The following AUH variants were observed in gnomAD, a reference collection of about 807,000 sequenced individuals.
AUH encodes methylglutaconyl-CoA hydratase, mitochondrial.
In AUH, 29 loss-of-function variants were observed where a neutral mutation model predicts 42.3. The observed-to-expected ratio is 0.69, with a 90% CI of 0.51 to 0.93. AUH has a LOEUF of 0.93. AUH is among the 40% of genes least tolerant of loss of function. AUH has a pLI of 0.00. For synonymous variants in AUH, 174 were observed against 166.4 expected, an observed-to-expected ratio of 1.05 and a Z score of -0.35; for missense variants, 452 against 438.1, an observed-to-expected ratio of 1.03 and a Z score of -0.28.
At chr9:91,274,480 A>G (rs1386042887) in intron 6 of AUH, among the ~76,000 whole-genome samples, 1 of 152,218 alleles carries the variant, frequency 6.6e-6, no homozygotes, top group Non-Finnish European at 1.5e-5. Flanking sequence ...TACTTGAATT[A>G]AAAACTCAAA....
intron 4 of AUH, among the ~76,000 whole-genome samples, chr9:91,300,124 T>C (rs1264318272): frequency 1.3e-5 from 2 of 152,186 alleles, no homozygotes; most frequent in Non-Finnish European, 2.9e-5. Context: ...CCTCCTTGTA[T>C]TCCTCCCTTC....
At chr9:91,226,980 T>C (rs1185548360) in intron 6 of AUH, among the ~76,000 whole-genome samples, 5 of 150,394 alleles carry the variant, frequency 3.3e-5, no homozygotes, top group Admixed American at 1.3e-4. Context: ...TGAAGTCAGG[T>C]AGTGTGATGC....
intron 4 of AUH, among the ~76,000 whole-genome samples, chr9:91,305,810 C>CT (rs1828173088): frequency 1.3e-5 from 2 of 152,302 alleles, no homozygotes; most frequent in South Asian, 4.1e-4. Context: ...CTGGTACAGT[C>CT]TGAGCACAGG....
intron 6 of AUH, 31 bp downstream of exon 6, chr9:91,295,990 G>A: frequency 6.2e-7 from 1 of 1,612,600 alleles, no homozygotes; most frequent in Non-Finnish European, 8.5e-7. Flanking sequence ...CCAAATCAAG[G>A]ATTTGAGGAA....
intron 6 of AUH, among the ~76,000 whole-genome samples, chr9:91,292,767 T>C (rs554729403): frequency 4.2e-4 from 64 of 152,306 alleles, no homozygotes; most frequent in African/African-American, 1.5e-3. Flanking sequence ...CTTCACTGTC[T>C]ACGTAAGCTA....
chr9:91,293,939 T>C (rs147444453), intron 6 of AUH, among the ~76,000 whole-genome samples: 5 of 152,336 alleles, frequency 3.3e-5, no homozygotes, highest in Admixed American at 6.5e-5. Context: ...TGCTCACTTA[T>C]CATTCCCAAA....
Position 91,214,378 on chromosome 9 carries a change from C to T in AUH, c.990G>A (p.Glu330=), listed in dbSNP as rs758124622. ...CTCCTTTATAGCGAGGGGGCCTTTTCTCTTTAAAAGCAAGAAGACCTTCAA... is the reference window on the plus strand; with the variant it reads ...CTCCTTTATAGCGAGGGGGCCTTTTTTCTTTAAAAGCAAGAAGACCTTCAA... ...DRLEGLLAFK[E]KRPPRYKGE is the part of the protein sequence containing the mutation. Residue 330 remains glutamate (E), a synonymous_variant, in exon 10 of 10, where the codon GAG becomes GAA. Transcript: ENST00000375731. The T allele has an allele frequency of 6.2e-7, 1 of 1,610,474 alleles. No homozygotes were observed. The highest frequency in any genetic ancestry group is 2.2e-5 in the East Asian group (1 of 44,782).
chr9:91,254,503 A>C, intron 6 of AUH, among the ~76,000 whole-genome samples: 1 of 152,220 alleles, frequency 6.6e-6, no homozygotes, highest in East Asian at 1.9e-4. Flanking sequence ...GCAATCATGG[A>C]TATAAATGTA....
chr9:91,356,276 G>A (rs939961032), intron 1 of AUH, 121 bp from the exon 2 acceptor site: 52 of 815,646 alleles, frequency 6.4e-5, no homozygotes, highest in South Asian at 1.0e-4. Flanking sequence ...ATGACATCAC[G>A]TTCCCTTCAA....
At chr9:91,222,064 A>G (rs1827164867) in intron 6 of AUH, among the ~76,000 whole-genome samples, 1 of 152,238 alleles carries the variant, frequency 6.6e-6, no homozygotes, top group Admixed American at 6.5e-5. Flanking sequence ...CATCTACACA[A>G]GTTCACTGGG....
At chr9:91,236,248 G>A (rs1828170936) in intron 6 of AUH, among the ~76,000 whole-genome samples, 1 of 151,212 alleles carries the variant, frequency 6.6e-6, no homozygotes, top group South Asian at 2.1e-4. Flanking sequence ...TAGCTAACTG[G>A]TGGCAGGGGT....
intron 3 of AUH, among the ~76,000 whole-genome samples, chr9:91,350,167 C>A (rs1323858353): frequency 6.6e-6 from 1 of 152,200 alleles, no homozygotes; most frequent in Non-Finnish European, 1.5e-5. Flanking sequence ...TAGAAACATC[C>A]ATTTTAATAC....
intron 4 of AUH, 48 bp from the exon 5 acceptor site, chr9:91,298,124 C>T: frequency 7.1e-7 from 1 of 1,413,904 alleles, no homozygotes; most frequent in Non-Finnish European, 1.0e-6. Flanking sequence ...ATTATTATCT[C>T]ACTGTGTAAT....
At chr9:91,331,184 A>G (rs1409352852) in intron 3 of AUH, among the ~76,000 whole-genome samples, 3 of 152,230 alleles carry the variant, frequency 2.0e-5, no homozygotes, top group African/African-American at 7.2e-5. Flanking sequence ...AAAAATAAAC[A>G]TAACAAATTA....
intron 6 of AUH, among the ~76,000 whole-genome samples, chr9:91,264,016 G>C (rs1029398315): frequency 1.3e-5 from 2 of 152,154 alleles, no homozygotes; most frequent in African/African-American, 4.8e-5. Flanking sequence ...CCTTAGGTAA[G>C]CTTCACTTTT....
chr9:91,297,864 T>C lies in AUH; in HGVS notation c.598+120A>G, dbSNP rs565286988. ...CGAAAACACCATTAGGACCAACAAG[T>C]GACTTTTTGAAAATATTCTACTCAA... On this transcript the variant is annotated intron_variant, in intron 5 of 9. Coordinates refer to ENST00000375731, the MANE Select transcript of AUH (RefSeq NM_001698.3). The C allele has an allele frequency of 2.9e-5, 25 of 857,734 alleles. No homozygotes were observed. In the Admixed American group the frequency reaches 4.5e-4, roughly 16 times the overall value. The allele number at this position is 857,734 out of a possible 1,614,324, so 53.1% of individuals were successfully genotyped here. A position where few individuals can be genotyped will look rare whatever the true frequency, so the allele number is the denominator to read the frequency against.
At chr9:91,238,012 G>C (rs893138281) in intron 6 of AUH, among the ~76,000 whole-genome samples, 1 of 152,184 alleles carries the variant, frequency 6.6e-6, no homozygotes, top group African/African-American at 2.4e-5. Context: ...TGGGGAATGA[G>C]TTTTTTGCTA....
At chr9:91,280,937 C>T (rs1488347547) in intron 6 of AUH, among the ~76,000 whole-genome samples, 1 of 152,114 alleles carries the variant, frequency 6.6e-6, no homozygotes, top group East Asian at 1.9e-4. Context: ...GTGCATTTTC[C>T]TCTTTCAGGA....
At chr9:91,298,810 G>C (rs1827551880) in intron 4 of AUH, among the ~76,000 whole-genome samples, 1 of 152,194 alleles carries the variant, frequency 6.6e-6, no homozygotes, top group African/African-American at 2.4e-5. Context: ...AGTTCAAAAA[G>C]TGACTGGTTT....
Sources: allele counts gnomAD v4.1 joint callset (sites outside exome capture counted in the v4.1 genomes callset), GRCh38; gene constraint gnomAD v4.1.1; transcripts MANE v1.5; gene names NCBI Gene and HGNC (gene_info 2026-07-23, HGNC 2026-07-21).